The following MGAT4C variants were observed in gnomAD, a reference collection of about 807,000 sequenced individuals.
The protein encoded by MGAT4C is alpha-1,3-mannosyl-glycoprotein 4-beta-N-acetylglucosaminyltransferase C.
A neutral mutation model predicts 40.1 loss-of-function variants in MGAT4C; 19 were observed. The ratio of observed to expected loss-of-function variants is 0.47; its 90% confidence interval spans 0.33 to 0.70. The LOEUF is 0.70. Among genes scored for constraint, MGAT4C ranks in the 30% least tolerant of loss-of-function variants. The pLI, the probability that MGAT4C is intolerant of heterozygous loss-of-function variation, is 0.02. For synonymous variants in MGAT4C, 181 were observed against 187.1 expected, an observed-to-expected ratio of 0.97 and a Z score of 0.27; for missense variants, 491 against 563.2, an observed-to-expected ratio of 0.87 and a Z score of 1.30.
At chr12:86,277,335 A>G (rs1045242706) in intron 4 of MGAT4C, among the ~76,000 whole-genome samples, 1 of 152,020 alleles carries the variant, frequency 6.6e-6, no homozygotes, top group Non-Finnish European at 1.5e-5. Context: ...TCTCCCATTC[A>G]TTGGGCTGTC....
At chr12:86,401,126 A>G (rs928147643) in intron 3 of MGAT4C, among the ~76,000 whole-genome samples, 1 of 152,076 alleles carries the variant, frequency 6.6e-6, no homozygotes, top group African/African-American at 2.4e-5. Context: ...TAGTGTTTAC[A>G]TAGGTAACTT....
chr12:86,129,176 A>G (rs984548610), intron 1 of MGAT4C, among the ~76,000 whole-genome samples: 1 of 151,714 alleles, frequency 6.6e-6, no homozygotes, highest in Non-Finnish European at 1.5e-5. Flanking sequence ...TTAACATCCA[A>G]AGGACTGAGC....
rs1196756789 is a variant in MGAT4C at position 86,538,528 on chromosome 12, C to A, written c.-228-103263G>T. ...AGCTGGGGTCACCAGAAGCTGAAAT[C>A]TAGGGCTTAACTCATATTCTTTTAC... On this transcript the variant is annotated intron_variant, in intron 2 of 7. Transcript: ENST00000548651. Among the ~76,000 whole-genome samples, 5 of 151,694 alleles carry A rather than the reference C, an allele frequency of 3.3e-5. No individual in the cohort carries two copies. In the East Asian group the frequency reaches 5.8e-4, roughly 18 times the overall value.
intron 1 of MGAT4C, among the ~76,000 whole-genome samples, chr12:86,200,054 T>C (rs1949981747): frequency 1.3e-5 from 2 of 151,746 alleles, no homozygotes; most frequent in Non-Finnish European, 2.9e-5. Flanking sequence ...CCTCTATATT[T>C]ATATTTCTAT....
chr12:86,605,409 C>T (rs1000636315), intron 2 of MGAT4C, among the ~76,000 whole-genome samples: 8 of 151,932 alleles, frequency 5.3e-5, no homozygotes, highest in African/African-American at 1.9e-4. Flanking sequence ...TGACCACTGG[C>T]ATATGTAGAT....
intron 1 of MGAT4C, among the ~76,000 whole-genome samples, chr12:86,836,601 A>T (rs1953041252): frequency 6.6e-6 from 1 of 152,102 alleles, no homozygotes; most frequent in African/African-American, 2.4e-5. Flanking sequence ...TAGGTGAATG[A>T]ATCCTATGGG....
At chr12:86,211,180 C>G (rs999715147) in intron 1 of MGAT4C, among the ~76,000 whole-genome samples, 4 of 148,472 alleles carry the variant, frequency 2.7e-5, no homozygotes, top group Admixed American at 6.7e-5. Flanking sequence ...CCCTTGTTAG[C>G]ATATACCATG....
At chr12:86,276,209 C>T in intron 4 of MGAT4C, among the ~76,000 whole-genome samples, 1 of 151,636 alleles carries the variant, frequency 6.6e-6, no homozygotes, top group East Asian at 1.9e-4. Context: ...AATATACTAA[C>T]ATAATTACTT....
At chr12:86,426,072 G>A (rs1956919578) in intron 3 of MGAT4C, among the ~76,000 whole-genome samples, 1 of 152,082 alleles carries the variant, frequency 6.6e-6, no homozygotes, top group African/African-American at 2.4e-5. Context: ...AAATATCTGA[G>A]TGTATTTCAC....
Position 85,957,926 on chromosome 12 carries a change from T to G in MGAT4C, c.*21363A>C, listed in dbSNP as rs1040077734. 2 of 152,158 alleles carry G rather than the reference T, an allele frequency of 1.3e-5. No individual in the cohort carries two copies. The highest frequency in any genetic ancestry group is 4.8e-5 in the African/African-American group (2 of 41,458). The allele number at this position is 152,158 out of a possible 1,614,324, so 9.4% of individuals were successfully genotyped here. ...TTTCATCTGACATAAATTATTTTAC[T>G]TAGGTTATCTTTATTTGAGTGAGAG... On this transcript the variant is annotated 3_prime_UTR_variant, in exon 5 of 5. Transcript: ENST00000611864.
At chr12:86,063,343 C>A (rs1894185416) in intron 1 of MGAT4C, among the ~76,000 whole-genome samples, 1 of 152,108 alleles carries the variant, frequency 6.6e-6, no homozygotes, top group African/African-American at 2.4e-5. Flanking sequence ...TTGTCACCAC[C>A]AGGCCTGCCT....
At chr12:85,987,456 TAA>T (rs1175367144) in intron 3 of MGAT4C, among the ~76,000 whole-genome samples, 18 of 152,196 alleles carry the variant, frequency 1.2e-4, no homozygotes, top group African/African-American at 4.3e-4. Flanking sequence ...TTTTAAAAGC[TAA>T]GAAGCAATCT....
At chr12:86,666,610 A>G (rs1239685974) in intron 2 of MGAT4C, among the ~76,000 whole-genome samples, 2 of 152,170 alleles carry the variant, frequency 1.3e-5, no homozygotes, top group Admixed American at 1.3e-4. Flanking sequence ...TCATGAAAAC[A>G]AGAAGAATCA....
intron 2 of MGAT4C, among the ~76,000 whole-genome samples, chr12:86,518,951 G>A (rs975113089): frequency 6.6e-6 from 1 of 152,086 alleles, no homozygotes; most frequent in African/African-American, 2.4e-5. Context: ...AAGGAATACA[G>A]ATTGCATTAT....
intron 1 of MGAT4C, among the ~76,000 whole-genome samples, chr12:86,812,846 G>T (rs190884294): frequency 6.6e-6 from 1 of 152,200 alleles, no homozygotes; most frequent in East Asian, 1.9e-4. Flanking sequence ...AGGCCTAAAT[G>T]GGATGGAGAG....
chr12:86,437,491 T>C (rs1957156062), intron 2 of MGAT4C, among the ~76,000 whole-genome samples: 1 of 151,862 alleles, frequency 6.6e-6, no homozygotes, highest in Admixed American at 6.6e-5. Flanking sequence ...TATCATAACA[T>C]ATCATATTAG....
At chr12:86,348,681 C>A (rs1955092795) in intron 3 of MGAT4C, among the ~76,000 whole-genome samples, 1 of 152,028 alleles carries the variant, frequency 6.6e-6, no homozygotes, top group Non-Finnish European at 1.5e-5. Flanking sequence ...CTGTATGAAT[C>A]TCATTCAATA....
chr12:86,275,759 G>A (rs946980029), intron 4 of MGAT4C, among the ~76,000 whole-genome samples: 7 of 151,928 alleles, frequency 4.6e-5, no homozygotes, highest in African/African-American at 1.5e-4. Flanking sequence ...TCTCTAGAAG[G>A]AACATAGCAG....
intron 1 of MGAT4C, among the ~76,000 whole-genome samples, chr12:86,784,437 T>C (rs1291208909): frequency 6.6e-6 from 1 of 152,058 alleles, no homozygotes; most frequent in Non-Finnish European, 1.5e-5. Context: ...AAAAAGGGAA[T>C]GTCATGTATT....
Sources: gnomAD v4.1 joint callset for allele counts (sites outside exome capture counted in the v4.1 genomes callset) on GRCh38, gnomAD v4.1.1 for gene constraint, MANE v1.5 for transcripts, NCBI Gene and HGNC (gene_info 2026-07-23, HGNC 2026-07-21) for gene names.